The following KLRG1 variants were observed in gnomAD, a reference collection of about 807,000 sequenced individuals.
The protein encoded by KLRG1 is killer cell lectin-like receptor subfamily G member 1.
A neutral mutation model predicts 21.8 loss-of-function variants in KLRG1; 16 were observed. The observed-to-expected ratio is 0.73, with a 90% CI of 0.50 to 1.11. The LOEUF is 1.11. KLRG1 is among the 50% of genes most tolerant of loss of function. KLRG1 has a pLI of 0.00. For synonymous variants in KLRG1, 69 were observed against 75.9 expected, an observed-to-expected ratio of 0.91 and a Z score of 0.47; for missense variants, 173 against 218.3, an observed-to-expected ratio of 0.79 and a Z score of 1.31.
chr12:9,069,462 G>T, the KLRG1 span, among the ~76,000 whole-genome samples: 17 of 151,972 alleles, frequency 1.1e-4, no homozygotes, highest in African/African-American at 4.1e-4. Context: ...ATATTACTGG[G>T]TATCCAAAAA....
chr12:9,069,574 C>A, the KLRG1 span, among the ~76,000 whole-genome samples: 2 of 152,084 alleles, frequency 1.3e-5, no homozygotes, highest in Admixed American at 1.3e-4. Context: ...TACCTGTAAT[C>A]CCTGGTGAAA....
chr12:9,152,926 G>A, the KLRG1 span: 5 of 1,614,086 alleles, frequency 3.1e-6, no homozygotes, highest in Non-Finnish European at 3.4e-6. Flanking sequence ...CTCTTTCTCT[G>A]GAAGAATATT....
At chr12:9,163,009 T>C in the KLRG1 span, among the ~76,000 whole-genome samples, 9 of 152,262 alleles carry the variant, frequency 5.9e-5, no homozygotes, top group African/African-American at 2.2e-4. Flanking sequence ...CAGCTCCCAC[T>C]TATAAGTGAG....
the KLRG1 span, chr12:9,160,503 A>C: frequency 6.2e-7 from 1 of 1,606,512 alleles, no homozygotes; most frequent in Non-Finnish European, 8.5e-7. Context: ...GGGGAATGTG[A>C]AAGATTAGAT....
chr12:9,075,320 G>C, the KLRG1 span, among the ~76,000 whole-genome samples: 5 of 152,324 alleles, frequency 3.3e-5, no homozygotes, highest in South Asian at 1.0e-3. Context: ...ATTCAGCAAT[G>C]GGGAAGATGT....
chr12:9,107,551 C>T, the KLRG1 span: 1 of 1,613,948 alleles, frequency 6.2e-7, no homozygotes, highest in Admixed American at 1.7e-5. Flanking sequence ...CACAGAAAGC[C>T]TGTGAATCTT....
chr12:9,043,825 C>T, the KLRG1 span, among the ~76,000 whole-genome samples: 1 of 152,238 alleles, frequency 6.6e-6, no homozygotes, highest in African/African-American at 2.4e-5. Context: ...GTTTTTGAAG[C>T]TCTTGTTCTT....
chr12:9,057,063 A>G, the KLRG1 span, among the ~76,000 whole-genome samples: 1 of 152,210 alleles, frequency 6.6e-6, no homozygotes, highest in Non-Finnish European at 1.5e-5. Context: ...ATAGGCTTAC[A>G]TATCAATATA....
chr12:9,082,044 C>A, the KLRG1 span, among the ~76,000 whole-genome samples: 78 of 152,312 alleles, frequency 5.1e-4, no homozygotes, highest in African/African-American at 1.8e-3. Context: ...ATGCCAGTGA[C>A]CCCACCCAGG....
the KLRG1 span, among the ~76,000 whole-genome samples, chr12:9,083,698 GAAA>G: frequency 6.9e-6 from 1 of 145,274 alleles, no homozygotes; most frequent in African/African-American, 2.5e-5. Flanking sequence ...AGAAGAAGAA[GAAA>G]GAGACTATAA....
At chr12:9,109,761 A>AT in the KLRG1 span, 14 of 1,144,594 alleles carry the variant, frequency 1.2e-5, no homozygotes, top group Non-Finnish European at 1.7e-5. Context: ...TCCAAGCCCA[A>AT]TGTCACCCAT....
the KLRG1 span, among the ~76,000 whole-genome samples, chr12:9,062,298 A>G: frequency 5.3e-5 from 5 of 93,534 alleles, no homozygotes; most frequent in East Asian, 6.9e-4. Context: ...GATGGATAAT[A>G]TATCTGATAT....
At chr12:8,950,576 A>G (rs1946181076) in intron 1 of KLRG1, among the ~76,000 whole-genome samples, 1 of 152,078 alleles carries the variant, frequency 6.6e-6, no homozygotes, top group African/African-American at 2.4e-5. Flanking sequence ...TGGCTTTAGC[A>G]TGTTTTCATT....
chr12:9,088,860 T>C, the KLRG1 span, among the ~76,000 whole-genome samples: 57 of 152,154 alleles, frequency 3.7e-4, no homozygotes, highest in African/African-American at 1.4e-3. Flanking sequence ...AATTCAGCCG[T>C]CCATAGTTTG....
the KLRG1 span, chr12:9,077,846 A>C: frequency 1.2e-6 from 2 of 1,614,130 alleles, no homozygotes; most frequent in Non-Finnish European, 1.7e-6. Context: ...CTTCAGAACA[A>C]AGGCTGTGAG....
At chr12:9,147,938 A>G in the KLRG1 span, among the ~76,000 whole-genome samples, 3 of 151,684 alleles carry the variant, frequency 2.0e-5, no homozygotes, top group East Asian at 5.8e-4. Context: ...TTTCTCCCAC[A>G]CTACATTTAT....
chr12:8,951,511 T>A (rs965942111), intron 1 of KLRG1, among the ~76,000 whole-genome samples: 18 of 152,206 alleles, frequency 1.2e-4, no homozygotes, highest in Admixed American at 6.5e-5. Context: ...TATCCTTGAC[T>A]TTACAAATAA....
At chr12:9,197,643 T>A in the KLRG1 span, among the ~76,000 whole-genome samples, 1,149 of 23,892 alleles carry the variant, frequency 0.048, 161 homozygotes, top group African/African-American at 0.15. Context: ...TATATTATAT[T>A]ATATAATATA....
chr12:9,024,259 T>C, the KLRG1 span, among the ~76,000 whole-genome samples: 1 of 151,906 alleles, frequency 6.6e-6, no homozygotes, highest in African/African-American at 2.4e-5. Context: ...ACTCCTGACC[T>C]CAGGTGATCC....
Sources: gnomAD v4.1 joint callset for allele counts (sites outside exome capture counted in the v4.1 genomes callset) on GRCh38, gnomAD v4.1.1 for gene constraint, MANE v1.5 for transcripts, NCBI Gene and HGNC (gene_info 2026-07-23, HGNC 2026-07-21) for gene names.